The following KIF26B variants were observed in gnomAD, a reference collection of about 807,000 sequenced individuals.
The protein encoded by KIF26B is kinesin-like protein KIF26B.
KIF26B carries 63 observed loss-of-function variants against 151.2 expected under a neutral mutation model. That is an observed-to-expected ratio of 0.42 (90% CI 0.34 to 0.51). The LOEUF is 0.51. Among genes scored for constraint, KIF26B ranks in the 20% least tolerant of loss-of-function variants. The pLI, the probability that KIF26B is intolerant of heterozygous loss-of-function variation, is 0.07. For missense variants in KIF26B, 2,813 were observed against 2,913.6 expected (o/e 0.97, Z 0.79); for synonymous variants, 1,357 against 1,262.1 (o/e 1.08, Z -1.59).
chr1:245,316,270 C>A (rs138217493), intron 2 of KIF26B, among the ~76,000 whole-genome samples: 5 of 151,916 alleles, frequency 3.3e-5, no homozygotes, highest in Non-Finnish European at 5.9e-5. Flanking sequence ...TACAGGCACC[C>A]GCCACCATGC....
chr1:245,520,863 C>T (rs1378254826), intron 4 of KIF26B, among the ~76,000 whole-genome samples: 1 of 152,172 alleles, frequency 6.6e-6, no homozygotes, highest in Non-Finnish European at 1.5e-5. Context: ...TGAATGTTCC[C>T]TGTGGTCTGA....
intron 2 of KIF26B, among the ~76,000 whole-genome samples, chr1:245,172,945 G>A (rs185935476): frequency 1.6e-4 from 25 of 152,342 alleles, no homozygotes; most frequent in East Asian, 1.9e-4. Context: ...ATAGCAGTAC[G>A]ATAGCCATGT....
intron 12 of KIF26B, among the ~76,000 whole-genome samples, chr1:245,697,828 C>T (rs1371311380): frequency 3.3e-5 from 5 of 152,012 alleles, no homozygotes; most frequent in Non-Finnish European, 2.9e-5. Flanking sequence ...TCACTTGAGG[C>T]CAGGAGTTTG....
chr1:245,498,903 A>G (rs535091760), intron 4 of KIF26B, among the ~76,000 whole-genome samples: 1 of 152,284 alleles, frequency 6.6e-6, no homozygotes, highest in South Asian at 2.1e-4. Flanking sequence ...TAGTAAATGC[A>G]GTCAAGGAAC....
At chr1:245,505,144 GC>G (rs1415688003) in intron 4 of KIF26B, among the ~76,000 whole-genome samples, 1 of 151,554 alleles carries the variant, frequency 6.6e-6, no homozygotes, top group African/African-American at 2.4e-5. Flanking sequence ...CACCATGTTG[GC>G]CAGGCTGTTC....
At chr1:245,257,408 T>G (rs1213664051) in intron 2 of KIF26B, among the ~76,000 whole-genome samples, 1 of 152,224 alleles carries the variant, frequency 6.6e-6, no homozygotes, top group African/African-American at 2.4e-5. Flanking sequence ...TTACAGAGTT[T>G]GACTCCTTTT....
chr1:245,686,749 T>C lies in KIF26B; in HGVS notation c.3766T>C (p.Phe1256Leu), dbSNP rs2044529593. The C allele has an allele frequency of 1.2e-6, 2 of 1,613,534 alleles. No individual in the cohort carries two copies. The highest frequency in any genetic ancestry group is 2.7e-5 in the African/African-American group (2 of 74,924). Residue 1256 changes from phenylalanine (F) to leucine (L), a missense_variant, in exon 12 of 15, where the codon TTC becomes CTC. Physicochemically the swap from Phe to Leu is conservative, Grantham distance 22. This residue lies in a region of KIF26B where 2,060 missense variants were observed against 2,088.6 expected (regional missense o/e 0.99). Transcript: ENST00000407071. The surrounding 1 kb of genome is among the most constrained non-coding windows in gnomAD (Gnocchi z 5.6). ...CGTCTCCGAGGTCAGCATCACACAG[T>C]TCTTGCCCCTCCCGAAGATGAGCCT... Reference protein sequence around the residue: ...APVSEVSITQFLPLPKMSLDE... With the variant: ...APVSEVSITQLLPLPKMSLDE...
intron 4 of KIF26B, among the ~76,000 whole-genome samples, chr1:245,470,531 C>T (rs556813838): frequency 3.3e-5 from 5 of 151,984 alleles, no homozygotes; most frequent in Middle Eastern, 3.2e-3. Flanking sequence ...CCCGGGTTCA[C>T]GCCATTCTCC....
At chr1:245,269,149 T>C (rs1431807849) in intron 2 of KIF26B, among the ~76,000 whole-genome samples, 1 of 151,120 alleles carries the variant, frequency 6.6e-6, no homozygotes, top group Non-Finnish European at 1.5e-5. Flanking sequence ...CTAGAAATTT[T>C]TCATCTTCCA....
At chr1:245,363,781 C>T (rs1443071470) in intron 2 of KIF26B, among the ~76,000 whole-genome samples, 1 of 152,204 alleles carries the variant, frequency 6.6e-6, no homozygotes, top group Non-Finnish European at 1.5e-5. Flanking sequence ...CAGCCTTTCC[C>T]TGGACGAGAG....
At chr1:245,155,851 G>C (rs1668420492) in intron 1 of KIF26B, among the ~76,000 whole-genome samples, 1 of 152,214 alleles carries the variant, frequency 6.6e-6, no homozygotes, top group South Asian at 2.1e-4. Context: ...GCAGGATCCG[G>C]AGAGTTGGAC....
intron 2 of KIF26B, among the ~76,000 whole-genome samples, chr1:245,250,003 A>G (rs543543678): frequency 3.1e-4 from 47 of 152,334 alleles, no homozygotes; most frequent in Non-Finnish European, 5.7e-4. Flanking sequence ...AAATTTTAAA[A>G]ATTATGAAAC....
intron 4 of KIF26B, among the ~76,000 whole-genome samples, chr1:245,471,781 C>G (rs532711525): frequency 3.8e-4 from 54 of 142,184 alleles, no homozygotes; most frequent in African/African-American, 1.3e-3. Context: ...GCCCCCTGCT[C>G]TCTTAGATCT....
At chr1:245,664,401 G>A (rs555151550) in intron 10 of KIF26B, among the ~76,000 whole-genome samples, 1 of 150,096 alleles carries the variant, frequency 6.7e-6, no homozygotes, top group East Asian at 1.9e-4. Context: ...TACTTGGTAA[G>A]AAGGTTTTCC....
chr1:245,408,511 T>C (rs1674194747), intron 3 of KIF26B, among the ~76,000 whole-genome samples: 1 of 151,994 alleles, frequency 6.6e-6, no homozygotes, highest in Non-Finnish European at 1.5e-5. Context: ...CACGCCACCA[T>C]GCCTGGCTAA....
rs575172182 is a variant in KIF26B at position 245,655,360 on chromosome 1, G to T, written c.2258+9080G>T. 2.2e-4 allele frequency among the ~76,000 whole-genome samples: 34 copies of T among 152,316 alleles called. No individual in the cohort carries two copies. In the South Asian group the frequency reaches 6.8e-3, roughly 31 times the overall value. On this transcript the variant is annotated intron_variant, in intron 10 of 14. Coordinates refer to ENST00000407071, the MANE Select transcript of KIF26B (RefSeq NM_018012.4). ...CTTTCAGAATCGTGTAACCCACGTG[G>T]TTCTGCCACCATCCTGTCTTCTGTG...
chr1:245,426,174 TCTCTCTCTCCCCCTTC>T (rs1455564502), intron 4 of KIF26B, among the ~76,000 whole-genome samples: 1 of 152,002 alleles, frequency 6.6e-6, no homozygotes, highest in African/African-American at 2.4e-5. Flanking sequence ...AGAGCTTCTT[TCTCTCTCTCCCCCTTC>T]CTCTCTCTCC....
intron 5 of KIF26B, among the ~76,000 whole-genome samples, chr1:245,566,965 A>G (rs1025269473): frequency 3.9e-5 from 6 of 152,116 alleles, no homozygotes; most frequent in Admixed American, 1.3e-4. Context: ...AAAAAAATAA[A>G]ATTCCTTTCT....
intron 5 of KIF26B, among the ~76,000 whole-genome samples, chr1:245,552,539 A>G (rs577097843): frequency 6.6e-6 from 1 of 152,086 alleles, no homozygotes; most frequent in East Asian, 1.9e-4. Context: ...ACTGGTTTCC[A>G]TTCTGTTGCG....
Sources: gnomAD v4.1 joint callset for allele counts (sites outside exome capture counted in the v4.1 genomes callset) on GRCh38, gnomAD v4.1.1 for gene constraint, gnomAD v4.1.1 regional missense constraint, Gnocchi (gnomAD v3.1) non-coding constraint, MANE v1.5 for transcripts, NCBI Gene and HGNC (gene_info 2026-07-23, HGNC 2026-07-21) for gene names.